The following SYNE1 variants were observed in gnomAD, a reference collection of about 807,000 sequenced individuals.
SYNE1 encodes nesprin-1.
In SYNE1, 616 loss-of-function variants were observed where a neutral mutation model predicts 1,111.0. That is an observed-to-expected ratio of 0.55 (90% confidence interval 0.52 to 0.59). The LOEUF (loss-of-function observed/expected upper bound fraction) is 0.59, where lower values mean the gene tolerates loss of function less well. Among genes scored for constraint, SYNE1 ranks in the 20% least tolerant of loss-of-function variants. The probability of loss-of-function intolerance (pLI) is 0.00; values close to 1 mark genes in which losing one functional copy is unlikely to be tolerated. For missense variants in SYNE1, 10,006 were observed against 10,417.0 expected (o/e 0.96, Z 1.72); for synonymous variants, 3,855 against 3,825.8 (o/e 1.01, Z -0.28).
At chr6:152,359,830 C>T (rs1210380040) in intron 64 of SYNE1, among the ~76,000 whole-genome samples, 2 of 151,604 alleles carry the variant, frequency 1.3e-5, no homozygotes, top group Non-Finnish European at 2.9e-5. Flanking sequence ...TCTTTTCAAA[C>T]AGCAAATGCC....
At chr6:152,221,601 A>T in intron 117 of SYNE1, 42 bp from the exon 118 acceptor site, 2 of 1,612,144 alleles carry the variant, frequency 1.2e-6, no homozygotes, top group South Asian at 2.2e-5. Context: ...AACAGGATCT[A>T]AATTCTAATA....
In SYNE1 at chr6:152,278,073, C is replaced by T. The variant is rs368633364; in HGVS notation, c.18573+16G>A. The T allele has an allele frequency of 2.7e-4, 439 of 1,613,378 alleles. 1 individual carries two copies. Among genetic ancestry groups the T allele is most frequent in the Non-Finnish European group, 1.8e-4 (215 of 1,179,758 alleles). ...GTGCCAACTTTCAGCTGTGGGCCAG[C>T]GGCTGGAACCCTCACCTGCATGTTG... On this transcript the variant is annotated intron_variant, in intron 98 of 145. Transcript: ENST00000367255.
intron 14 of SYNE1, among the ~76,000 whole-genome samples, chr6:152,478,094 C>T (rs1423779953): frequency 1.3e-5 from 2 of 152,142 alleles, no homozygotes; most frequent in Admixed American, 1.3e-4. Flanking sequence ...AAAGGGACAA[C>T]TATGTGAAAT....
In SYNE1 at chr6:152,381,302, GAGCC is replaced by G; in HGVS notation, c.8709_8712del (p.Ala2904ProfsTer3). The G allele has an allele frequency of 6.2e-7, 1 of 1,614,126 alleles. No individual in the cohort carries two copies. The highest frequency in any genetic ancestry group is 8.5e-7 in the Non-Finnish European group (1 of 1,180,038). On this transcript the variant is annotated frameshift_variant, in exon 56 of 146. Transcript: ENST00000367255. LOFTEE classifies it high-confidence loss of function. The stretch of plus-strand genomic sequence containing the variant: ...GCAGTTGTGTTCTGTTTCACTTCGG[GAGCC>G]AGCGACTCCACTCTGCTGAGACGGC...
intron 105 of SYNE1, 127 bp from the exon 106 acceptor site, chr6:152,244,783 A>G: frequency 1.6e-6 from 2 of 1,282,776 alleles, no homozygotes; most frequent in Non-Finnish European, 2.2e-6. Context: ...TACAAAAGGA[A>G]TCATTTCAAT....
chr6:152,324,662 C>T (rs938424749), intron 81 of SYNE1, among the ~76,000 whole-genome samples: 9 of 151,926 alleles, frequency 5.9e-5, no homozygotes, highest in Non-Finnish European at 5.9e-5. Flanking sequence ...GGCGTGGTGG[C>T]GGGCGCCTGT....
chr6:152,487,981 A>G (rs1417416846), intron 12 of SYNE1, among the ~76,000 whole-genome samples: 4 of 151,926 alleles, frequency 2.6e-5, no homozygotes, highest in Admixed American at 6.6e-5. Context: ...AGGCTGAGGC[A>G]GGAGAATGGT....
At position 152,241,582 on chromosome 6, in the gene SYNE1, G is replaced by A. The variant is rs2085726399; in HGVS notation, c.19893+658C>T. On this transcript the variant is annotated intron_variant, in intron 107 of 145. Transcript: ENST00000367255. The stretch of plus-strand genomic sequence containing the variant: ...AGTGTCCAACCTGAGCTTGGCTGTG[G>A]CACACAATGATGGAGTGATTTCGGG... Among the ~76,000 whole-genome samples the A allele has an allele frequency of 2.0e-5, 3 of 149,682 alleles. No homozygotes were observed. The South Asian group carries it at 6.4e-4, about 32-fold the overall frequency.
intron 48 of SYNE1, 58 bp downstream of exon 48, chr6:152,399,558 T>G (rs1333317098): frequency 6.3e-7 from 1 of 1,596,772 alleles, no homozygotes; most frequent in Non-Finnish European, 8.6e-7. Context: ...TAGGCAGCAT[T>G]TGGTTTGGAT....
At chr6:152,575,137 C>T (rs558891903) in intron 3 of SYNE1, among the ~76,000 whole-genome samples, 12 of 152,202 alleles carry the variant, frequency 7.9e-5, no homozygotes, top group Non-Finnish European at 1.8e-4. Flanking sequence ...TCTCTAACTC[C>T]GGTGGTATAG....
rs762294604 is a variant in SYNE1 at position 152,331,028 on chromosome 6, G to A, written c.13657C>T (p.Arg4553Trp). The change falls in exon 78 of 146, where the codon CGG (arginine) becomes TGG (tryptophan). Residue 4553 changes from arginine (R) to tryptophan (W), a missense_variant. Arg to Trp is a moderately radical substitution (Grantham distance 101). This residue lies in a region of SYNE1 where 4,955 missense variants were observed against 5,017.2 expected (regional missense o/e 0.99). Coordinates refer to ENST00000367255, the MANE Select transcript of SYNE1 (RefSeq NM_182961.4). ...AAATTCTTCTCTAGTTCTTGTAACC[G>A]GTGACTGCACTTTTGTAAAACACTG... The part of the protein sequence containing the change: ...YDSVLQKCSH[R>W]LQELEKNLVS... 11 of 1,614,006 alleles carry A rather than the reference G, an allele frequency of 6.8e-6. No individual in the cohort carries two copies. Among genetic ancestry groups the A allele is most frequent in the Admixed American group, 1.7e-5 (1 of 60,006 alleles).
intron 127 of SYNE1, among the ~76,000 whole-genome samples, chr6:152,193,422 A>AC (rs1409697974): frequency 6.6e-6 from 1 of 152,158 alleles, no homozygotes; most frequent in East Asian, 1.9e-4. Context: ...GATTCAAGCA[A>AC]TTCTCATGCT....
intron 5 of SYNE1, among the ~76,000 whole-genome samples, chr6:152,521,724 G>A (rs143551444): frequency 1.9e-4 from 29 of 152,138 alleles, no homozygotes; most frequent in Non-Finnish European, 3.5e-4. Context: ...CACCCATATT[G>A]TTTTGAAGAT....
intron 3 of SYNE1, among the ~76,000 whole-genome samples, chr6:152,618,627 G>A (rs2099667559): frequency 6.6e-6 from 1 of 152,036 alleles, no homozygotes; most frequent in African/African-American, 2.4e-5. Flanking sequence ...AGCAGAGGAA[G>A]GAATTGTTTG....
rs2082756213 is a variant in SYNE1 at position 152,231,583 on chromosome 6, A to G, written c.20863-16T>C. 1 of 1,612,624 alleles carries G rather than the reference A, an allele frequency of 6.2e-7. No homozygotes were observed. Among genetic ancestry groups the G allele is most frequent in the Non-Finnish European group, 8.5e-7 (1 of 1,179,058 alleles). On this transcript the variant is annotated splice_polypyrimidine_tract_variant and intron_variant, in intron 113 of 145. Transcript: ENST00000367255. ...TCTTAAAACCCTAAAAAAAAAGAGG[A>G]GAAAATAAGATTATACAATAAATGT...
chr6:152,512,984 T>C lies in SYNE1; in HGVS notation c.310-1881A>G, dbSNP rs563424287. On this transcript the variant is annotated intron_variant, in intron 6 of 145. Transcript: ENST00000367255. Reference sequence around the variant, plus strand: ...TGAGCCAGATGTTCTCAAAGGGTGATTCCCAGAGTCGCAGCAAGCACGTCA... The same window carrying C: ...TGAGCCAGATGTTCTCAAAGGGTGACTCCCAGAGTCGCAGCAAGCACGTCA... 1.1e-3 allele frequency among the ~76,000 whole-genome samples: 167 copies of C among 152,270 alleles called. 1 individual carries two copies. Among genetic ancestry groups the C allele is most frequent in the Admixed American group, 2.6e-3 (39 of 15,294 alleles).
chr6:152,589,930 CTTTTTT>C (rs35508645), intron 3 of SYNE1, among the ~76,000 whole-genome samples: 4 of 134,000 alleles, frequency 3.0e-5, no homozygotes, highest in African/African-American at 1.1e-4. Flanking sequence ...CTAAACATTT[CTTTTTT>C]TTTTTTTTTT....
At chr6:152,560,481 G>A (rs2099391688) in intron 3 of SYNE1, among the ~76,000 whole-genome samples, 1 of 152,034 alleles carries the variant, frequency 6.6e-6, no homozygotes, top group Non-Finnish European at 1.5e-5. Flanking sequence ...AGGACCTGAT[G>A]GTTTTATGTG....
At chr6:152,407,259 C>A in intron 44 of SYNE1, 63 bp from the exon 45 acceptor site, 2 of 1,480,552 alleles carry the variant, frequency 1.4e-6, no homozygotes, top group South Asian at 1.1e-5. Flanking sequence ...ATCCCCCAAC[C>A]AAAGTACCAA....
Sources: allele counts gnomAD v4.1 joint callset (sites outside exome capture counted in the v4.1 genomes callset), GRCh38; gene constraint gnomAD v4.1.1; regional missense constraint gnomAD v4.1.1; transcripts MANE v1.5; gene names NCBI Gene and HGNC (gene_info 2026-07-23, HGNC 2026-07-21).